Variants in SPIRE1 observed in about 807,000 individuals in gnomAD.
SPIRE1 encodes protein spire homolog 1.
Under a neutral mutation model 94.1 loss-of-function variants are expected in SPIRE1, and 40 were observed. The ratio of observed to expected loss-of-function variants is 0.43; its 90% CI spans 0.33 to 0.55. SPIRE1 has a LOEUF of 0.55. Ranked by LOEUF, SPIRE1 falls within the 20% of genes least tolerant of loss-of-function variation. SPIRE1 has a pLI of 0.06. For synonymous variants in SPIRE1, 376 were observed against 371.7 expected (o/e 1.01, Z -0.13); for missense variants, 838 against 975.2 (o/e 0.86, Z 1.87).
intron 1 of SPIRE1, among the ~76,000 whole-genome samples, chr18:12,646,684 T>G (rs2038234957): frequency 6.6e-6 from 1 of 152,140 alleles, no homozygotes; most frequent in Non-Finnish European, 1.5e-5. Flanking sequence ...ACTTAACTTC[T>G]AATTAAATTA....
rs563055498 is a variant in SPIRE1, at chr18:12,531,043, T to C, written c.729+4433A>G. Among the ~76,000 whole-genome samples, 12 of 152,332 alleles carry C rather than the reference T, an allele frequency of 7.9e-5. No homozygotes were observed. In the South Asian group the frequency reaches 2.5e-3, roughly 32 times the overall value. ...GACACTTCTATGATACTCTATCTTTTCTCATTTCACATCTCCCTCTTTATT... is the reference window on the plus strand; with the variant it reads ...GACACTTCTATGATACTCTATCTTTCCTCATTTCACATCTCCCTCTTTATT... On this transcript the variant is annotated intron_variant, in intron 4 of 16. Transcript: ENST00000409402.
chr18:12,551,045 A>G (rs566351667), intron 2 of SPIRE1, among the ~76,000 whole-genome samples: 1 of 152,188 alleles, frequency 6.6e-6, no homozygotes, highest in African/African-American at 2.4e-5. Flanking sequence ...TCCTTAACTT[A>G]TATTACTAAT....
intron 10 of SPIRE1, among the ~76,000 whole-genome samples, chr18:12,473,266 TA>T (rs1598905702): frequency 1.3e-5 from 2 of 151,838 alleles, no homozygotes; most frequent in East Asian, 3.9e-4. Flanking sequence ...TATCAAAAGC[TA>T]CACAAATGTG....
chr18:12,658,665 G>C (rs1214742263), upstream of SPIRE1: 1 of 459,282 alleles, frequency 2.2e-6, no homozygotes, highest in East Asian at 7.1e-5. Context: ...TCCCCGCCGG[G>C]CCCTGGGCCC....
chr18:12,639,188 C>G (rs1418858204), intron 1 of SPIRE1, among the ~76,000 whole-genome samples: 1 of 151,198 alleles, frequency 6.6e-6, no homozygotes, highest in Non-Finnish European at 1.5e-5. Flanking sequence ...GTGGCATGAT[C>G]TTGGCTCACT....
chr18:12,572,235 TA>T (rs1049214159), intron 2 of SPIRE1, among the ~76,000 whole-genome samples: 2 of 152,186 alleles, frequency 1.3e-5, no homozygotes, highest in Non-Finnish European at 2.9e-5. Context: ...ACAGGCTATC[TA>T]AAGGATATGG....
At chr18:12,605,496 C>T (rs2036952050) in intron 2 of SPIRE1, among the ~76,000 whole-genome samples, 1 of 152,134 alleles carries the variant, frequency 6.6e-6, no homozygotes, top group Admixed American at 6.6e-5. Context: ...CAGAGCAAGA[C>T]TCTGTCTCAA....
intron 6 of SPIRE1, among the ~76,000 whole-genome samples, chr18:12,498,065 C>G (rs2033523658): frequency 6.6e-6 from 1 of 152,146 alleles, no homozygotes; most frequent in South Asian, 2.1e-4. Flanking sequence ...ATGCTTGGGA[C>G]TAGAGTGTTT....
chr18:12,472,344 T>A (rs951202253), intron 10 of SPIRE1, among the ~76,000 whole-genome samples: 3 of 150,864 alleles, frequency 2.0e-5, no homozygotes, highest in Non-Finnish European at 4.4e-5. Context: ...TACAAAACCA[T>A]TATAGCGACA....
intron 2 of SPIRE1, among the ~76,000 whole-genome samples, chr18:12,579,999 T>C (rs2036212922): frequency 6.6e-6 from 1 of 152,164 alleles, no homozygotes; most frequent in Non-Finnish European, 1.5e-5. Flanking sequence ...ATTCTTCTAA[T>C]TTTCTTCCTG....
At chr18:12,486,973 C>T (rs1866163342) in intron 8 of SPIRE1, among the ~76,000 whole-genome samples, 1 of 152,126 alleles carries the variant, frequency 6.6e-6, no homozygotes, top group African/African-American at 2.4e-5. Context: ...GTGCCTCAGC[C>T]TCCTGAGTAG....
intron 3 of SPIRE1, among the ~76,000 whole-genome samples, chr18:12,540,349 C>G (rs2034978751): frequency 1.3e-5 from 2 of 152,144 alleles, no homozygotes; most frequent in Admixed American, 1.3e-4. Context: ...TTTGTCCTTT[C>G]TAGATGAACT....
chr18:12,574,634 C>T (rs1248848038), intron 2 of SPIRE1, among the ~76,000 whole-genome samples: 1 of 152,146 alleles, frequency 6.6e-6, no homozygotes, highest in Non-Finnish European at 1.5e-5. Context: ...AAAGGAGAGC[C>T]ATGGGCTAGG....
In SPIRE1 at chr18:12,506,588, C is replaced by T; in HGVS notation, c.861G>A (p.Lys287=). Residue 287 remains lysine, a synonymous_variant, in exon 6 of 17, where the codon AAG becomes AAA. Transcript: ENST00000409402. ...GGTTGTACTGCCGCTCTTGGACCTTCTTAAGTTTTACCCCATTCCTCAAAT... is the reference window on the plus strand; with the variant it reads ...GGTTGTACTGCCGCTCTTGGACCTTTTTAAGTTTTACCCCATTCCTCAAAT... ...MRDLRNGVKL[K]KVQERQYNPL... 1.2e-6 allele frequency: 2 copies of T among 1,614,132 alleles called. No homozygotes were observed. The highest frequency in any genetic ancestry group is 1.1e-5 in the South Asian group (1 of 91,084).
chr18:12,490,965 T>C (rs936088884), intron 8 of SPIRE1, among the ~76,000 whole-genome samples: 1 of 152,042 alleles, frequency 6.6e-6, no homozygotes, highest in African/African-American at 2.4e-5. Flanking sequence ...AGGCATCCAA[T>C]TGGAAAGAAA....
intron 3 of SPIRE1, among the ~76,000 whole-genome samples, chr18:12,545,981 C>T (rs912992822): frequency 2.0e-5 from 3 of 151,616 alleles, no homozygotes; most frequent in African/African-American, 7.3e-5. Context: ...TGCCGAATCA[C>T]CGTTCTTTAT....
intron 4 of SPIRE1, among the ~76,000 whole-genome samples, chr18:12,532,226 A>G (rs2034703902): frequency 6.6e-6 from 1 of 152,268 alleles, no homozygotes. Context: ...CTAAATAAAT[A>G]GATGATGAAC....
At chr18:12,532,499 A>G (rs868769957) in intron 4 of SPIRE1, among the ~76,000 whole-genome samples, 13 of 152,212 alleles carry the variant, frequency 8.5e-5, no homozygotes, top group African/African-American at 2.9e-4. Context: ...GATATAAGGT[A>G]GTTTGAAAAA....
At chr18:12,537,969 A>C (rs2034891044) in intron 3 of SPIRE1, among the ~76,000 whole-genome samples, 1 of 152,098 alleles carries the variant, frequency 6.6e-6, no homozygotes, top group African/African-American at 2.4e-5. Flanking sequence ...CAAAATCCCA[A>C]CAGCCTTTCT....
Sources: allele counts gnomAD v4.1 joint callset (sites outside exome capture counted in the v4.1 genomes callset), GRCh38; gene constraint gnomAD v4.1.1; transcripts MANE v1.5; gene names NCBI Gene and HGNC (gene_info 2026-07-23, HGNC 2026-07-21).